Variants in PLPP4 observed in about 807,000 individuals in gnomAD.
PLPP4 encodes diacylglycerol pyrophosphate like 2.
PLPP4 carries 20 observed loss-of-function variants against 32.2 expected under a neutral mutation model. That is an observed-to-expected ratio of 0.62 (90% CI 0.44 to 0.90). PLPP4 has a LOEUF of 0.90. PLPP4 is among the 40% of genes least tolerant of loss of function. PLPP4 has a pLI of 0.00. For missense variants in PLPP4, 257 were observed against 353.1 expected (o/e 0.73, Z 2.18); for synonymous variants, 127 against 133.0 (o/e 0.95, Z 0.31).
chr10:120,513,931 C>T lies in PLPP4; in HGVS notation c.186C>T (p.Pro62=). 1 of 1,613,972 alleles carries T rather than the reference C, an allele frequency of 6.2e-7. No individual in the cohort carries two copies. The highest frequency in any genetic ancestry group is 8.5e-7 in the Non-Finnish European group (1 of 1,179,900). ...RLMFAISFLT[P]LAVICVVKII... is the part of the protein sequence containing the mutation. The stretch of plus-strand genomic sequence containing the variant: ...TCCAGGCAATTTCTTTCCTCACACC[C>T]CTGGCTGTTATTTGTGTGGTGAAAA... Residue 62 remains proline, a synonymous_variant, in exon 3 of 7, where the codon CCC becomes CCT. Coordinates refer to ENST00000398250, the MANE Select transcript of PLPP4 (RefSeq NM_001030059.3).
intron 1 of PLPP4, among the ~76,000 whole-genome samples, chr10:120,494,713 CT>C (rs1010785148): frequency 6.6e-6 from 1 of 152,176 alleles, no homozygotes; most frequent in Non-Finnish European, 1.5e-5. Context: ...GGAAGCCCCT[CT>C]TTGGATGATA....
intron 5 of PLPP4, among the ~76,000 whole-genome samples, chr10:120,538,032 CTCTCTCTCTCTCTCTCTCTCTGTGTGTG>C (rs1847127727): frequency 4.9e-5 from 3 of 60,700 alleles, no homozygotes; most frequent in Non-Finnish European, 1.1e-4. Context: ...CTCTCTCTCT[CTCTCTCTCTCTCTCTCTCTCTGTGTGTG>C]TGTGTGTGTG....
chr10:120,567,166 C>T (rs1266010004), intron 5 of PLPP4, among the ~76,000 whole-genome samples: 1 of 152,128 alleles, frequency 6.6e-6, no homozygotes, highest in Admixed American at 6.6e-5. Flanking sequence ...TTAATTATTT[C>T]AAACAAAATA....
At chr10:120,534,860 C>T (rs767598237) in intron 5 of PLPP4, among the ~76,000 whole-genome samples, 1 of 152,084 alleles carries the variant, frequency 6.6e-6, no homozygotes, top group Non-Finnish European at 1.5e-5. Flanking sequence ...CCCTTCCATC[C>T]CTTCCTGAGG....
intron 1 of PLPP4, among the ~76,000 whole-genome samples, chr10:120,467,902 G>C (rs115631132): frequency 0.038 from 2,401 of 63,610 alleles, 767 homozygotes; most frequent in African/African-American, 0.077. Context: ...CCACTCACCC[G>C]CTTCTAGTAG....
chr10:120,549,706 A>G (rs563540719), intron 5 of PLPP4, among the ~76,000 whole-genome samples: 60 of 152,190 alleles, frequency 3.9e-4, no homozygotes, highest in African/African-American at 1.3e-3. Flanking sequence ...GTTGAAAATC[A>G]GCCATTGCAA....
intron 5 of PLPP4, among the ~76,000 whole-genome samples, chr10:120,550,254 T>C (rs1847827612): frequency 6.6e-6 from 1 of 151,948 alleles, no homozygotes; most frequent in African/African-American, 2.4e-5. Context: ...GTGAAACCTA[T>C]ATTTTTCAAA....
intron 1 of PLPP4, among the ~76,000 whole-genome samples, chr10:120,492,263 T>A (rs978269976): frequency 6.6e-6 from 1 of 152,204 alleles, no homozygotes; most frequent in African/African-American, 2.4e-5. Flanking sequence ...CAGTCTTCTG[T>A]TGTTTACTCC....
intron 1 of PLPP4, among the ~76,000 whole-genome samples, chr10:120,458,469 C>G (rs1847891915): frequency 6.6e-6 from 1 of 152,182 alleles, no homozygotes; most frequent in African/African-American, 2.4e-5. Context: ...TCATCCATGG[C>G]AGGTGTGCTG....
chr10:120,586,135 CTTT>C (rs11364962), intron 6 of PLPP4, among the ~76,000 whole-genome samples: 20 of 141,826 alleles, frequency 1.4e-4, no homozygotes, highest in East Asian at 2.1e-4. Context: ...TTCTTTTTTT[CTTT>C]TTTTTTTTTT....
chr10:120,575,756 C>T (rs1849193267), intron 6 of PLPP4, among the ~76,000 whole-genome samples: 1 of 152,128 alleles, frequency 6.6e-6, no homozygotes, highest in South Asian at 2.1e-4. Flanking sequence ...TCCAGTAATG[C>T]TCCAAGCAGC....
At chr10:120,531,891 CACACAT>C (rs1441995494) in intron 5 of PLPP4, among the ~76,000 whole-genome samples, 11 of 149,702 alleles carry the variant, frequency 7.3e-5, no homozygotes, top group African/African-American at 1.7e-4. Flanking sequence ...CACACACACA[CACACAT>C]ATATATATAT....
intron 5 of PLPP4, among the ~76,000 whole-genome samples, chr10:120,545,685 AAGGT>A (rs1564830609): frequency 6.6e-6 from 1 of 152,146 alleles, no homozygotes; most frequent in Non-Finnish European, 1.5e-5. Context: ...AGCTTAAAGG[AAGGT>A]TGGATAGGGG....
chr10:120,494,360 G>A (rs535214560), intron 1 of PLPP4, among the ~76,000 whole-genome samples: 1 of 152,336 alleles, frequency 6.6e-6, no homozygotes, highest in East Asian at 1.9e-4. Context: ...GACAAGTCAA[G>A]CACCTTGCCC....
At chr10:120,466,142 G>A (rs866302267) in intron 1 of PLPP4, among the ~76,000 whole-genome samples, 1 of 152,154 alleles carries the variant, frequency 6.6e-6, no homozygotes, top group African/African-American at 2.4e-5. Context: ...GTATGATGCT[G>A]TAATCTCCAT....
chr10:120,514,008 T>C lies in PLPP4; in HGVS notation c.256+7T>C. The C allele has an allele frequency of 6.3e-7, 1 of 1,596,166 alleles. No homozygotes were observed. The highest frequency in any genetic ancestry group is 1.1e-5 in the South Asian group (1 of 90,694). ...ATTAAGGAAGCCTTCTTAGGTAGAG[T>C]ATTCACAGTTCCTGCTTTAGGGAAT... On this transcript the variant is annotated splice_region_variant and intron_variant, in intron 3 of 6. Transcript: ENST00000398250.
chr10:120,468,696 G>A lies in PLPP4; in HGVS notation c.56+11335G>A, dbSNP rs1257973786. Among the ~76,000 whole-genome samples the A allele has an allele frequency of 6.1e-5, 4 of 65,280 alleles. 2 individuals are homozygous for A. The East Asian group carries it at 5.3e-3, about 87-fold the overall frequency. The allele number at this position is 65,280 out of a possible 152,430, so 42.8% of individuals were successfully genotyped here. A position where few individuals can be genotyped will look rare whatever the true frequency, so the allele number is the denominator to read the frequency against. The stretch of plus-strand genomic sequence containing the variant: ...GGATAGGGCACTGAATGATTTTTTT[G>A]TGTTTGCTTTAGAAATATTTAAAGT... On this transcript the variant is annotated intron_variant, in intron 1 of 6. Coordinates refer to ENST00000398250, the MANE Select transcript of PLPP4 (RefSeq NM_001030059.3).
chr10:120,462,908 T>G (rs1383309544), intron 1 of PLPP4, among the ~76,000 whole-genome samples: 1 of 152,086 alleles, frequency 6.6e-6, no homozygotes, highest in Non-Finnish European at 1.5e-5. Context: ...GAGGGGGACT[T>G]TTTGTGTTAA....
At chr10:120,562,584 T>A (rs1848486269) in intron 5 of PLPP4, among the ~76,000 whole-genome samples, 1 of 152,172 alleles carries the variant, frequency 6.6e-6, no homozygotes, top group African/African-American at 2.4e-5. Context: ...TCAGGTTCCT[T>A]CCATTTCTAG....
Sources: allele counts gnomAD v4.1 joint callset (sites outside exome capture counted in the v4.1 genomes callset), GRCh38; gene constraint gnomAD v4.1.1; transcripts MANE v1.5; gene names NCBI Gene and HGNC (gene_info 2026-07-23, HGNC 2026-07-21).